The following KDM1A variants were observed in gnomAD, a reference collection of about 807,000 sequenced individuals.
KDM1A encodes the protein lysine demethylase 1A.
Under a neutral mutation model 109.4 loss-of-function variants are expected in KDM1A, and 49 were observed. The ratio of observed to expected loss-of-function variants is 0.45; its 90% CI spans 0.36 to 0.57. The LOEUF (loss-of-function observed/expected upper bound fraction) is 0.57, where lower values mean the gene tolerates loss of function less well. KDM1A is among the 20% of genes least tolerant of loss of function. KDM1A has a pLI of 0.00. For synonymous variants in KDM1A, 380 were observed against 415.4 expected, an observed-to-expected ratio of 0.91 and a Z score of 1.04; for missense variants, 668 against 1,116.6, an observed-to-expected ratio of 0.60 and a Z score of 5.73.
At chr1:23,036,422 A>G (rs1642144477) in intron 2 of KDM1A, among the ~76,000 whole-genome samples, 1 of 151,170 alleles carries the variant, frequency 6.6e-6, no homozygotes, top group Non-Finnish European at 1.5e-5. Context: ...GAAAATAGGC[A>G]TAGGGTTAGT....
chr1:23,058,777 G>T (rs2124478100), intron 8 of KDM1A, among the ~76,000 whole-genome samples: 1 of 152,274 alleles, frequency 6.6e-6, no homozygotes, highest in Non-Finnish European at 1.5e-5. Flanking sequence ...ATATTGCTAA[G>T]TTGAAAAGAT....
intron 1 of KDM1A, among the ~76,000 whole-genome samples, chr1:23,029,128 T>TA (rs905118645): frequency 6.6e-6 from 1 of 151,862 alleles, no homozygotes; most frequent in African/African-American, 2.4e-5. Context: ...TCCTATCATT[T>TA]AAAAAAAAGA....
intron 14 of KDM1A, 37 bp from the exon 15 acceptor site, chr1:23,073,255 T>C (rs1430459763): frequency 2.7e-6 from 3 of 1,095,458 alleles, no homozygotes; most frequent in East Asian, 2.4e-5. Flanking sequence ...ACTAGTGATA[T>C]CTTTTAATAA....
intron 16 of KDM1A, among the ~76,000 whole-genome samples, chr1:23,077,956 G>T (rs1219060092): frequency 6.6e-6 from 1 of 152,202 alleles, no homozygotes; most frequent in Non-Finnish European, 1.5e-5. Context: ...TAGGCTCAAT[G>T]CTCATTATTA....
At chr1:23,037,911 T>G (rs1348110358) in intron 2 of KDM1A, among the ~76,000 whole-genome samples, 2 of 152,216 alleles carry the variant, frequency 1.3e-5, no homozygotes, top group Admixed American at 6.5e-5. Context: ...TTTTTATAAT[T>G]TATTTGAATT....
intron 9 of KDM1A, among the ~76,000 whole-genome samples, chr1:23,063,034 G>A (rs1421640487): frequency 2.0e-5 from 3 of 152,122 alleles, no homozygotes; most frequent in Admixed American, 6.6e-5. Context: ...CTCTGCTGAG[G>A]GGACTGAAAG....
chr1:23,036,590 A>T (rs917676864), intron 2 of KDM1A, among the ~76,000 whole-genome samples: 5 of 151,954 alleles, frequency 3.3e-5, no homozygotes, highest in African/African-American at 1.2e-4. Flanking sequence ...CAGAATTCTT[A>T]TGTTCTTATA....
At position 23,019,759 on chromosome 1, in the gene KDM1A, G is replaced by T. The variant is rs1402678472; in HGVS notation, c.163G>T (p.Val55Leu). 1 of 1,350,166 alleles carries T rather than the reference G, an allele frequency of 7.4e-7. No homozygotes were observed. 83.6% of individuals were successfully genotyped at this position (1,350,166 alleles called of 1,614,324 possible). A position where few individuals can be genotyped will look rare whatever the true frequency, so the allele number is the denominator to read the frequency against. ...SGPAEVGPGA[V>L]GERTPRKKEP... ...CCCAGCCGAGGTCGGGCCGGGGGCG[G>T]TGGGGGAGCGCACACCCCGCAAGAA... The change falls in exon 1 of 21, where the codon GTG becomes TTG. Residue 55 changes from valine to leucine, a missense_variant. Around this residue, in one of 8 missense-constraint regions of KDM1A, gnomAD observed 156 missense variants for 163.4 expected, o/e 0.95. Coordinates refer to ENST00000400181, the MANE Select transcript of KDM1A (RefSeq NM_001009999.3).
At chr1:23,072,813 T>A (rs1643357957) in intron 14 of KDM1A, among the ~76,000 whole-genome samples, 1 of 152,092 alleles carries the variant, frequency 6.6e-6, no homozygotes, top group African/African-American at 2.4e-5. Flanking sequence ...GCCCAGCTAA[T>A]TTTTGTATTT....
chr1:23,026,394 G>GTTT (rs754619806), intron 1 of KDM1A, among the ~76,000 whole-genome samples: 7,196 of 61,428 alleles, frequency 0.12, 620 homozygotes, highest in African/African-American at 0.29. Flanking sequence ...TTGTCTGTTT[G>GTTT]TTTTTTTTTT....
intron 9 of KDM1A, among the ~76,000 whole-genome samples, chr1:23,065,592 A>G (rs549581335): frequency 2.6e-5 from 4 of 152,316 alleles, no homozygotes; most frequent in East Asian, 3.9e-4. Context: ...CTGGTGGCTG[A>G]CAATCTCACA....
At chr1:23,057,150 A>G (rs1642854468) in intron 7 of KDM1A, among the ~76,000 whole-genome samples, 1 of 152,198 alleles carries the variant, frequency 6.6e-6, no homozygotes, top group Non-Finnish European at 1.5e-5. Context: ...GTGGCCCTGT[A>G]CATTAAAAGG....
chr1:23,063,456 T>C (rs188263884), intron 9 of KDM1A, among the ~76,000 whole-genome samples: 37 of 152,316 alleles, frequency 2.4e-4, no homozygotes, highest in African/African-American at 7.0e-4. Flanking sequence ...TGTGTTCTTA[T>C]ACAGTGGTGC....
chr1:23,083,152 CAA>C (rs1643671658), intron 20 of KDM1A, 25 bp from the exon 21 acceptor site: 3 of 1,594,286 alleles, frequency 1.9e-6, no homozygotes, highest in Non-Finnish European at 2.6e-6. Flanking sequence ...TGCAGCCTGC[CAA>C]TTTTCTCTTT....
intron 20 of KDM1A, chr1:23,082,599 A>G (rs922293660): frequency 4.8e-5 from 19 of 394,606 alleles, no homozygotes; most frequent in South Asian, 3.9e-4. Context: ...GTCAAATAAC[A>G]TTTTTCCTTA....
chr1:23,019,483 G>A lies in KDM1A; in HGVS notation c.-114G>A, dbSNP rs1222572199. ...GAGCGCGCTTGGCGCGTGCGTACGC[G>A]ACGGCGGTTGGCGGCGCGCGGGCAG... On this transcript the variant is annotated 5_prime_UTR_variant, in exon 1 of 21. Transcript: ENST00000400181. The A allele has an allele frequency of 2.2e-5, 28 of 1,278,974 alleles. 1 individual carries two copies. In the Admixed American group the frequency reaches 2.6e-4, roughly 12 times the overall value. 79.2% of individuals were successfully genotyped at this position (1,278,974 alleles called of 1,614,324 possible). A position where few individuals can be genotyped will look rare whatever the true frequency, so the allele number is the denominator to read the frequency against.
intron 3 of KDM1A, among the ~76,000 whole-genome samples, chr1:23,049,918 G>C (rs1642616212): frequency 6.6e-6 from 1 of 152,140 alleles, no homozygotes; most frequent in South Asian, 2.1e-4. Flanking sequence ...GGATGATACT[G>C]TTGATGGGAT....
At chr1:23,061,329 G>A (rs1249342280) in intron 9 of KDM1A, among the ~76,000 whole-genome samples, 1 of 152,142 alleles carries the variant, frequency 6.6e-6, no homozygotes, top group Admixed American at 6.5e-5. Flanking sequence ...ACCAGGACCA[G>A]CCCTTTGAGT....
chr1:23,021,271 C>T (rs373460207), intron 1 of KDM1A, among the ~76,000 whole-genome samples: 2 of 152,172 alleles, frequency 1.3e-5, no homozygotes, highest in Non-Finnish European at 2.9e-5. Context: ...TTGGTGACAC[C>T]AGCCCTCAGA....
Sources: gnomAD v4.1 joint callset for allele counts (sites outside exome capture counted in the v4.1 genomes callset) on GRCh38, gnomAD v4.1.1 for gene constraint, gnomAD v4.1.1 regional missense constraint, MANE v1.5 for transcripts, NCBI Gene and HGNC (gene_info 2026-07-23, HGNC 2026-07-21) for gene names.